Variants in CTSZ observed in about 807,000 individuals in gnomAD.
CTSZ encodes the protein carboxypeptidase LB.
A neutral mutation model predicts 32.4 loss-of-function variants in CTSZ; 39 were observed. The ratio of observed to expected loss-of-function variants is 1.20; its 90% CI spans 0.93 to 1.57. CTSZ has a LOEUF of 1.57. Ranked by LOEUF, CTSZ falls within the 40% of genes most tolerant of loss-of-function variation. The pLI, the probability that CTSZ is intolerant of heterozygous loss-of-function variation, is 0.00. For synonymous variants in CTSZ, 168 were observed against 170.1 expected, an observed-to-expected ratio of 0.99 and a Z score of 0.10; for missense variants, 397 against 419.6, an observed-to-expected ratio of 0.95 and a Z score of 0.47.
intron 5 of CTSZ, 65 bp from the exon 6 acceptor site, chr20:58,995,824 A>C: frequency 1.4e-6 from 2 of 1,447,150 alleles, no homozygotes; most frequent in Non-Finnish European, 1.9e-6. Flanking sequence ...TGCTGCCGTC[A>C]GCCCCCTGCC....
chr20:59,006,426 C>T lies in CTSZ; in HGVS notation c.203G>A (p.Trp68Ter). The change falls in exon 2 of 6, where the codon TGG (tryptophan) becomes TAG (stop). Residue 68 changes from tryptophan to a stop codon, truncating the protein, a stop_gained. Coordinates refer to ENST00000217131, the MANE Select transcript of CTSZ (RefSeq NM_001336.4). LOFTEE classifies it high-confidence loss of function. ...SPADLPKSWD[W>*]RNVDGVNYAS... ...ATAGTTGACACCATCCACATTGCGC[C>T]AGTCCCAGCTCTTGGGCAGATCCGC... The T allele has an allele frequency of 6.2e-7, 1 of 1,614,032 alleles. No homozygotes were observed.
chr20:59,004,589 C>T lies in CTSZ; in HGVS notation c.307+1733G>A, dbSNP rs2091901928. ...GGGGTGGGGCCGGGGGCTTTGTGTT[C>T]CTTTTTTCCAGGTGGGAGAGCTTCC... On this transcript the variant is annotated intron_variant, in intron 2 of 5. Coordinates refer to ENST00000217131, the MANE Select transcript of CTSZ (RefSeq NM_001336.4). This position sits in a 1 kb window ranked among gnomAD's most constrained non-coding sequence, Gnocchi z 5.6. 3.3e-5 allele frequency among the ~76,000 whole-genome samples: 5 copies of T among 152,008 alleles called. 1 individual carries two copies. In the South Asian group the frequency reaches 1.0e-3, roughly 32 times the overall value.
At position 59,001,491 on chromosome 20, in the gene CTSZ, C is replaced by A. The variant is rs1350519828; in HGVS notation, c.461G>T (p.Cys154Phe). 6.8e-6 allele frequency: 11 copies of A among 1,613,052 alleles called. No individual in the cohort carries two copies. The East Asian group carries it at 2.5e-4, about 36-fold the overall frequency. The change falls in exon 3 of 6, where the codon TGC becomes TTC. Residue 154 changes from cysteine to phenylalanine, a missense_variant. Cys to Phe is a radical substitution (Grantham distance 205). Coordinates refer to ENST00000217131, the MANE Select transcript of CTSZ (RefSeq NM_001336.4). Reference sequence around the variant, plus strand: ...CTGGTCCTTGGCCTGGTAGTTGTTGCAGGTCTCGTCAGGGATGCCGTGCTG... The same window carrying A: ...CTGGTCCTTGGCCTGGTAGTTGTTGAAGGTCTCGTCAGGGATGCCGTGCTG... ...AHQHGIPDET[C>F]NNYQAKDQEC...
At position 59,007,040 on chromosome 20, in the gene CTSZ, C is replaced by CCCCGGCGGAAGTAGAGGCCG; in HGVS notation, c.69_88dup (p.Gly30AlafsTer180). 1 of 1,472,326 alleles carries CCCCGGCGGAAGTAGAGGCCG rather than the reference C, an allele frequency of 6.8e-7. No homozygotes were observed. Among genetic ancestry groups the CCCCGGCGGAAGTAGAGGCCG allele is most frequent in the Non-Finnish European group, 8.9e-7 (1 of 1,118,780 alleles). The allele number at this position is 1,472,326 out of a possible 1,614,324, so 91.2% of individuals were successfully genotyped here. On this transcript the variant is annotated frameshift_variant, in exon 1 of 6. Transcript: ENST00000217131. LOFTEE classifies it high-confidence loss of function. ...CCGCAGAGGCCGGTAGCAGGTCTGT[C>CCCCGGCGGAAGTAGAGGCCG]CCCGGCGGAAGTAGAGGCCGCCCTG...
At chr20:58,997,525 C>T in intron 4 of CTSZ, 78 bp downstream of exon 4, 3 of 1,390,954 alleles carry the variant, frequency 2.2e-6, no homozygotes, top group East Asian at 2.6e-5. Context: ...GATCTCTCCT[C>T]ACCCGCGGGA....
chr20:59,003,732 A>T (rs1466115308), intron 2 of CTSZ, among the ~76,000 whole-genome samples: 1 of 152,080 alleles, frequency 6.6e-6, no homozygotes, highest in Non-Finnish European at 1.5e-5. Context: ...TCAGGGAGAG[A>T]GGAGGTGCCT....
intron 2 of CTSZ, among the ~76,000 whole-genome samples, chr20:59,003,570 G>C (rs1450317911): frequency 6.6e-6 from 1 of 152,174 alleles, no homozygotes; most frequent in Non-Finnish European, 1.5e-5. Context: ...GTTAAGTCAA[G>C]GAGCATCTGT....
chr20:59,000,668 C>G (rs946526707), intron 3 of CTSZ, among the ~76,000 whole-genome samples: 1 of 152,070 alleles, frequency 6.6e-6, no homozygotes, highest in African/African-American at 2.4e-5. Context: ...AAAATGAACT[C>G]TCCCTCCACA....
chr20:59,001,028 C>T (rs889874237), intron 3 of CTSZ, among the ~76,000 whole-genome samples: 6 of 152,072 alleles, frequency 3.9e-5, no homozygotes, highest in African/African-American at 9.7e-5. Flanking sequence ...GGGATTTCAC[C>T]GTGTTGGCCA....
intron 5 of CTSZ, 124 bp from the exon 6 acceptor site, chr20:58,995,883 A>G: frequency 1.4e-6 from 1 of 719,274 alleles, no homozygotes. Context: ...GGATCCAGAC[A>G]GCCCACTCAG....
intron 3 of CTSZ, 73 bp downstream of exon 3, chr20:59,001,392 C>T: frequency 1.3e-6 from 2 of 1,496,946 alleles, no homozygotes; most frequent in Admixed American, 2.0e-5. Context: ...AGGCTGGGTC[C>T]TCAGCCACGA....
At chr20:59,001,376 G>C (rs368824654) in intron 3 of CTSZ, 89 bp downstream of exon 3, 2 of 1,412,224 alleles carry the variant, frequency 1.4e-6, no homozygotes, top group Non-Finnish European at 1.9e-6. Flanking sequence ...TGAGGAGCAC[G>C]GGGTCAGGCT....
chr20:59,005,109 C>T (rs1229909875), intron 2 of CTSZ, among the ~76,000 whole-genome samples: 4 of 152,138 alleles, frequency 2.6e-5, no homozygotes, highest in African/African-American at 4.8e-5. Context: ...AGTCCTCTGC[C>T]TCTAGCCCCA....
intron 4 of CTSZ, 107 bp from the exon 5 acceptor site, chr20:58,996,908 G>A: frequency 7.6e-7 from 1 of 1,308,326 alleles, no homozygotes; most frequent in Non-Finnish European, 1.1e-6. Flanking sequence ...TGTAATTCCA[G>A]CACTTTGGGA....
intron 4 of CTSZ, chr20:58,997,330 C>T: frequency 3.1e-6 from 1 of 322,116 alleles, no homozygotes; most frequent in Non-Finnish European, 5.7e-6. Context: ...GCATTCCGCA[C>T]AACCATCCAT....
intron 3 of CTSZ, among the ~76,000 whole-genome samples, chr20:59,000,068 CAA>C (rs756514968): frequency 2.9e-5 from 2 of 68,912 alleles, no homozygotes; most frequent in Admixed American, 1.4e-4. Context: ...GACTCCGTCT[CAA>C]AAAAAAAAAA....
In CTSZ at chr20:58,997,623, G is replaced by A; in HGVS notation, c.618C>T (p.Ile206=). 6.2e-7 allele frequency: 1 copy of A among 1,601,162 alleles called. No homozygotes were observed. Among genetic ancestry groups the A allele is most frequent in the Non-Finnish European group, 8.5e-7 (1 of 1,173,588 alleles). ...CTCACCTGATGGGACCATTTGCATA[G>A]ATTTCTGCCATCATCTTCTCCCTCC... ...LSGREKMMAE[I]YANGPISCGI... is the part of the protein sequence containing the mutation. Residue 206 remains isoleucine, a synonymous_variant, in exon 4 of 6, where the codon ATC becomes ATT. Coordinates refer to ENST00000217131, the MANE Select transcript of CTSZ (RefSeq NM_001336.4).
At chr20:59,000,568 G>C (rs946544760) in intron 3 of CTSZ, among the ~76,000 whole-genome samples, 2 of 152,142 alleles carry the variant, frequency 1.3e-5, no homozygotes, top group African/African-American at 4.8e-5. Flanking sequence ...GGGGGACCTG[G>C]GCCCTGGGTC....
intron 3 of CTSZ, 42 bp from the exon 4 acceptor site, chr20:58,997,795 A>C: frequency 6.5e-7 from 1 of 1,531,896 alleles, no homozygotes. Flanking sequence ...CCGTCTCCTC[A>C]TCAACCCACT....
Sources: gnomAD v4.1 joint callset for allele counts (sites outside exome capture counted in the v4.1 genomes callset) on GRCh38, gnomAD v4.1.1 for gene constraint, Gnocchi (gnomAD v3.1) non-coding constraint, MANE v1.5 for transcripts, NCBI Gene and HGNC (gene_info 2026-07-23, HGNC 2026-07-21) for gene names.